SCN7A: variants seen among roughly 807,000 people sequenced by gnomAD.
SCN7A encodes the protein sodium voltage-gated channel alpha subunit 7.
In SCN7A, 138 loss-of-function variants were observed where a neutral mutation model predicts 155.2. The observed-to-expected ratio is 0.89, with a 90% CI of 0.77 to 1.02. The LOEUF is 1.02. SCN7A is among the 50% of genes least tolerant of loss of function. SCN7A has a pLI of 0.00. For synonymous variants in SCN7A, 693 were observed against 649.0 expected (o/e 1.07, Z -1.03); for missense variants, 2,058 against 1,986.6 (o/e 1.04, Z -0.68).
chr2:166,416,907 A>C lies in SCN7A; in HGVS notation c.3214T>G (p.Phe1072Val). ...FLVCLMIWLI[F>V]SIMGVDLFAG... ...AATAAGTCTACTCCCATGATACTAA[A>C]AATCAGCCAGATCATCAGGCAGACA... Residue 1072 changes from phenylalanine (F) to valine (V), a missense_variant, in exon 21 of 26, where the codon TTT becomes GTT. Transcript: ENST00000643258. The C allele has an allele frequency of 6.2e-7, 1 of 1,613,070 alleles. No individual in the cohort carries two copies. Among genetic ancestry groups the C allele is most frequent in the South Asian group, 1.1e-5 (1 of 90,888 alleles).
At chr2:166,433,987 CTTG>C (rs1399970786) in intron 15 of SCN7A, among the ~76,000 whole-genome samples, 1 of 152,058 alleles carries the variant, frequency 6.6e-6, no homozygotes, top group Non-Finnish European at 1.5e-5. Flanking sequence ...AGATTTTAAA[CTTG>C]TTTATAATTG....
intron 11 of SCN7A, among the ~76,000 whole-genome samples, chr2:166,453,045 AC>A (rs752649915): frequency 1.3e-5 from 2 of 152,148 alleles, no homozygotes; most frequent in Non-Finnish European, 2.9e-5. Flanking sequence ...TCTATAATTA[AC>A]GAGTGATTAT....
chr2:166,466,940 G>A (rs113317156), intron 7 of SCN7A, among the ~76,000 whole-genome samples: 1,825 of 151,592 alleles, frequency 0.012, 41 homozygotes, highest in African/African-American at 0.038. Flanking sequence ...AGTATGACAG[G>A]GTTCAAATAA....
At chr2:166,467,500 T>TATACAC (rs1553519822) in intron 7 of SCN7A, among the ~76,000 whole-genome samples, 1 of 148,162 alleles carries the variant, frequency 6.7e-6, no homozygotes, top group Non-Finnish European at 1.5e-5. Flanking sequence ...TATATATATA[T>TATACAC]ACACACACAC....
At position 166,409,927 on chromosome 2, in the gene SCN7A, G is replaced by A. The variant is rs1432274178; in HGVS notation, c.3720C>T (p.Leu1240=). 5.8e-6 allele frequency: 9 copies of A among 1,560,998 alleles called. No homozygotes were observed. Among genetic ancestry groups the A allele is most frequent in the Middle Eastern group, 3.4e-4 (2 of 5,944 alleles). Residue 1240 remains leucine, a synonymous_variant, in exon 25 of 26, where the codon CTC becomes CTT. Coordinates refer to ENST00000643258, the MANE Select transcript of SCN7A (RefSeq NM_002976.4). Reference sequence around the variant, plus strand: ...TTACCACATCAAAGATGAATCCTTGGAGCTTGTTCTGTGGGTAAAATCAAC... The same window carrying A: ...TTACCACATCAAAGATGAATCCTTGAAGCTTGTTCTGTGGGTAAAATCAAC... ...QRPVPRPLNK[L]QGFIFDVVTS...
intron 15 of SCN7A, chr2:166,441,111 C>G (rs1189938488): frequency 9.4e-6 from 4 of 423,880 alleles, no homozygotes; most frequent in Non-Finnish European, 1.2e-5. Flanking sequence ...TAAGGAGGAC[C>G]TACTATATTA....
intron 14 of SCN7A, among the ~76,000 whole-genome samples, chr2:166,442,357 A>G (rs1248889752): frequency 6.6e-6 from 1 of 152,056 alleles, no homozygotes; most frequent in South Asian, 2.1e-4. Context: ...CATCATTTTT[A>G]TATAGGCTAT....
chr2:166,478,336 A>G (rs1174501756), intron 2 of SCN7A, among the ~76,000 whole-genome samples: 1 of 150,546 alleles, frequency 6.6e-6, no homozygotes, highest in African/African-American at 2.4e-5. Flanking sequence ...AGAAAAAAAA[A>G]TTAACCCAAA....
Position 166,443,567 on chromosome 2 carries a change from T to C in SCN7A, c.1736A>G (p.His579Arg), listed in dbSNP as rs372679699. 3 of 1,593,284 alleles carry C rather than the reference T, an allele frequency of 1.9e-6. No individual in the cohort carries two copies. The highest frequency in any genetic ancestry group is 1.7e-4 in the Middle Eastern group (1 of 6,026). Residue 579 changes from histidine to arginine, a missense_variant, in exon 14 of 26, where the codon CAT becomes CGT. His to Arg is a conservative substitution (Grantham distance 29). Transcript: ENST00000643258. ...TGCTAGACAAAGTTCTATTAAACCA[T>C]GGAACACTATCATGCTATCAAAAAT... ...WNIFDSMIVF[H>R]GLIELCLANV...
chr2:166,423,282 T>C lies in SCN7A; in HGVS notation c.3004A>G (p.Arg1002Gly), dbSNP rs369433516. 6.2e-7 allele frequency: 1 copy of C among 1,606,868 alleles called. No individual in the cohort carries two copies. The highest frequency in any genetic ancestry group is 8.5e-7 in the Non-Finnish European group (1 of 1,177,950). ...ACAATAACAACCACGAAGTCCAGCC[T>C]GTACCAGCCATTAGAGAAATAGGCC... The part of the protein sequence containing the change: ...FKAYFSNGWY[R>G]LDFVVVIVFC... The change falls in exon 19 of 26, where the codon AGG (arginine) becomes GGG (glycine). Residue 1002 changes from arginine to glycine, a missense_variant. Physicochemically the swap from Arg to Gly is moderately radical, Grantham distance 125. Coordinates refer to ENST00000643258, the MANE Select transcript of SCN7A (RefSeq NM_002976.4).
intron 25 of SCN7A, among the ~76,000 whole-genome samples, chr2:166,408,530 C>T (rs1406274): frequency 0.48 from 73,081 of 151,792 alleles, 17,692 homozygotes; most frequent in Non-Finnish European, 0.51. Context: ...CTGATGAAGT[C>T]CCCTTCAGTC....
intron 21 of SCN7A, among the ~76,000 whole-genome samples, chr2:166,414,127 T>C (rs1423067257): frequency 3.6e-5 from 3 of 84,074 alleles, no homozygotes; most frequent in Non-Finnish European, 6.3e-5. Context: ...ATATAATATA[T>C]TATATATATG....
rs77645356 is a variant in SCN7A at position 166,410,321 on chromosome 2, C to T, written c.3610G>A (p.Gly1204Arg). 323 of 1,533,748 alleles carry T rather than the reference C, an allele frequency of 2.1e-4. No homozygotes were observed. Among genetic ancestry groups the T allele is most frequent in the Middle Eastern group, 5.1e-4 (3 of 5,896 alleles). ...DNFNKHKIKLGGSNIFITVKQ... is the reference protein window; with the variant it reads ...DNFNKHKIKLRGSNIFITVKQ... ...ACCGTTATAAAGATATTTGAGCCTC[C>T]CAGGTAAAGAAAGGAAAGAAAAATA... Residue 1204 changes from glycine (G) to arginine (R), a missense_variant, in exon 24 of 26, where the codon GGA becomes AGA. Coordinates refer to ENST00000643258, the MANE Select transcript of SCN7A (RefSeq NM_002976.4).
At chr2:166,482,315 A>G (rs1392917746) in intron 2 of SCN7A, among the ~76,000 whole-genome samples, 3 of 152,146 alleles carry the variant, frequency 2.0e-5, no homozygotes, top group African/African-American at 7.2e-5. Context: ...GGATGCTGCC[A>G]TCAATGAAAA....
intron 11 of SCN7A, among the ~76,000 whole-genome samples, chr2:166,454,460 T>C (rs1324359887): frequency 1.3e-5 from 2 of 152,168 alleles, no homozygotes; most frequent in Non-Finnish European, 2.9e-5. Flanking sequence ...ATTCCACCTT[T>C]TGGTACAATA....
intron 18 of SCN7A, among the ~76,000 whole-genome samples, chr2:166,424,902 C>G (rs956110529): frequency 1.1e-4 from 17 of 152,072 alleles, no homozygotes; most frequent in Non-Finnish European, 4.4e-5. Flanking sequence ...AATTCCCTTA[C>G]TGGCATACCT....
At chr2:166,475,086 ATATATACACATATATATG>A (rs1312636812) in intron 3 of SCN7A, among the ~76,000 whole-genome samples, 2 of 127,986 alleles carry the variant, frequency 1.6e-5, no homozygotes, top group East Asian at 2.3e-4. Context: ...TTGTGTATAT[ATATATACACATATATATG>A]TATATATATA....
At chr2:166,469,028 A>T (rs1385350655) in intron 7 of SCN7A, among the ~76,000 whole-genome samples, 3 of 149,838 alleles carry the variant, frequency 2.0e-5, no homozygotes, top group Non-Finnish European at 4.5e-5. Flanking sequence ...GTATAAGCTG[A>T]TCTCTTTCAT....
In SCN7A at chr2:166,474,267, G is replaced by T; in HGVS notation, c.312C>A (p.Phe104Leu). Residue 104 changes from phenylalanine to leucine, a missense_variant, in exon 4 of 26, where the codon TTC becomes TTA. Phe to Leu is a conservative substitution (Grantham distance 22, BLOSUM62 0). Transcript: ENST00000643258. Reference protein sequence around the residue: ...AASILCTLSPFNCIRRTTIKV... With the variant: ...AASILCTLSPLNCIRRTTIKV... ...TGATAGTTGTTCTTCTAATACAATT[G>T]AAAGGAGACAATGTACACAAGATGG... 6.6e-7 allele frequency: 1 copy of T among 1,522,848 alleles called. No individual in the cohort carries two copies. Among genetic ancestry groups the T allele is most frequent in the Non-Finnish European group, 8.9e-7 (1 of 1,129,692 alleles). 94.3% of individuals were successfully genotyped at this position (1,522,848 alleles called of 1,614,324 possible).
Sources: gnomAD v4.1 joint callset for allele counts (sites outside exome capture counted in the v4.1 genomes callset) on GRCh38, gnomAD v4.1.1 for gene constraint, MANE v1.5 for transcripts, NCBI Gene and HGNC (gene_info 2026-07-23, HGNC 2026-07-21) for gene names.